Variants in LRRFIP1 observed in about 807,000 individuals in gnomAD.
LRRFIP1 encodes the protein LRR binding FLII interacting protein 1, also known as leucine-rich repeat flightless-interacting protein 1.
In LRRFIP1, 62 loss-of-function variants were observed where a neutral mutation model predicts 104.4. The observed-to-expected ratio is 0.59, with a 90% CI of 0.48 to 0.73. The LOEUF (loss-of-function observed/expected upper bound fraction) is 0.73, where lower values mean the gene tolerates loss of function less well. Among genes scored for constraint, LRRFIP1 ranks in the 30% least tolerant of loss-of-function variants. LRRFIP1 has a pLI of 0.00. For missense variants in LRRFIP1, 796 were observed against 824.5 expected, an observed-to-expected ratio of 0.97 and a Z score of 0.42; for synonymous variants, 300 against 299.0, an observed-to-expected ratio of 1.00 and a Z score of -0.03.
chr2:237,761,943 T>TC (rs2059918746), intron 19 of LRRFIP1, among the ~76,000 whole-genome samples: 1 of 152,224 alleles, frequency 6.6e-6, no homozygotes, highest in Non-Finnish European at 1.5e-5. Context: ...AACATTTGCC[T>TC]CCTGCTGGTC....
At chr2:237,658,585 T>G (rs1017769382) in intron 1 of LRRFIP1, among the ~76,000 whole-genome samples, 1 of 152,174 alleles carries the variant, frequency 6.6e-6, no homozygotes, top group Non-Finnish European at 1.5e-5. Context: ...TTTAATTGAC[T>G]CACAGTTCAG....
intron 1 of LRRFIP1, among the ~76,000 whole-genome samples, chr2:237,647,623 C>A (rs2085149612): frequency 6.6e-6 from 1 of 151,788 alleles, no homozygotes; most frequent in East Asian, 1.9e-4. Flanking sequence ...GGAGCAGAGT[C>A]CTGCCCTGTT....
intron 3 of LRRFIP1, among the ~76,000 whole-genome samples, chr2:237,715,882 T>C (rs968293695): frequency 1.4e-4 from 22 of 152,236 alleles, no homozygotes; most frequent in African/African-American, 5.1e-4. Context: ...TTGCACTTGC[T>C]GTTACTAGGG....
In LRRFIP1 at chr2:237,778,951, T is replaced by C. The variant is rs1427704738; in HGVS notation, c.1813-471T>C. ...AACAAACAAAAAAAGAGGCCGAGCG[T>C]GGTGGCTCATGCCTGTAATCCCAGC... On this transcript the variant is annotated intron_variant, in intron 23 of 23. Coordinates refer to ENST00000308482, the MANE Select transcript of LRRFIP1 (RefSeq NM_001137550.2). 5.0e-5 allele frequency among the ~76,000 whole-genome samples: 7 copies of C among 139,212 alleles called. No individual in the cohort carries two copies. In the East Asian group the frequency reaches 6.6e-4, roughly 13 times the overall value. The allele number at this position is 139,212 out of a possible 152,430, so 91.3% of individuals were successfully genotyped here.
At chr2:237,764,328 C>T in intron 19 of LRRFIP1, 2 of 1,497,330 alleles carry the variant, frequency 1.3e-6, no homozygotes, top group Non-Finnish European at 1.8e-6. Context: ...GAGGTTATCA[C>T]CCAGATTAGA....
intron 1 of LRRFIP1, chr2:237,692,194 G>A (rs1388794465): frequency 1.9e-6 from 2 of 1,051,492 alleles, no homozygotes; most frequent in Admixed American, 5.5e-5. Flanking sequence ...CCCGAGTCCC[G>A]CTTCCCCGGC....
chr2:237,778,225 A>G (rs2061254841), intron 23 of LRRFIP1, among the ~76,000 whole-genome samples: 1 of 152,214 alleles, frequency 6.6e-6, no homozygotes. Flanking sequence ...ACTTCCTGCA[A>G]AAAGGGCTTG....
intron 1 of LRRFIP1, among the ~76,000 whole-genome samples, chr2:237,688,385 C>T (rs1391317369): frequency 6.6e-6 from 1 of 151,480 alleles, no homozygotes; most frequent in Non-Finnish European, 1.5e-5. Context: ...TCACTGACCT[C>T]TCAGCTCTTT....
chr2:237,743,052 A>G (rs2057334751), intron 11 of LRRFIP1, among the ~76,000 whole-genome samples: 1 of 152,114 alleles, frequency 6.6e-6, no homozygotes, highest in Non-Finnish European at 1.5e-5. Context: ...ACATATGGTT[A>G]CTTTATTTCT....
At chr2:237,716,513 C>T (rs769840462) in intron 3 of LRRFIP1, among the ~76,000 whole-genome samples, 6 of 152,096 alleles carry the variant, frequency 3.9e-5, no homozygotes, top group Non-Finnish European at 4.4e-5. Context: ...GAGATAAGAC[C>T]GTCTGAAAAC....
At chr2:237,707,071 G>A (rs1014400401) in intron 1 of LRRFIP1, among the ~76,000 whole-genome samples, 1 of 152,140 alleles carries the variant, frequency 6.6e-6, no homozygotes, top group Non-Finnish European at 1.5e-5. Flanking sequence ...GGAGCCAAGC[G>A]AATAGAACAA....
chr2:237,753,478 A>G lies in LRRFIP1; in HGVS notation c.1037A>G (p.Lys346Arg). ...AGGCGGCAGTACGAAGAGAAAAACAAAGTAAGCATTAGTATGATACAGAAT... is the reference window on the plus strand; with the variant it reads ...AGGCGGCAGTACGAAGAGAAAAACAGAGTAAGCATTAGTATGATACAGAAT... ...ESRRQYEEKN[K>R]EFEREKHAHS... The change falls in exon 15 of 24, where the codon AAA becomes AGA. Residue 346 changes from lysine to arginine, a missense_variant and splice_region_variant. Lys to Arg is a conservative substitution (Grantham distance 26). Coordinates refer to ENST00000308482, the MANE Select transcript of LRRFIP1 (RefSeq NM_001137550.2). 1 of 1,585,910 alleles carries G rather than the reference A, an allele frequency of 6.3e-7. No homozygotes were observed. Among genetic ancestry groups the G allele is most frequent in the South Asian group, 1.2e-5 (1 of 85,756 alleles).
intron 1 of LRRFIP1, among the ~76,000 whole-genome samples, chr2:237,635,152 T>A (rs2082905142): frequency 6.6e-6 from 1 of 152,226 alleles, no homozygotes; most frequent in Admixed American, 6.5e-5. Flanking sequence ...GAATGCCTTT[T>A]CTAAGTATTC....
At chr2:237,644,872 C>A (rs1215326206) in intron 1 of LRRFIP1, among the ~76,000 whole-genome samples, 3 of 152,232 alleles carry the variant, frequency 2.0e-5, no homozygotes, top group Non-Finnish European at 4.4e-5. Context: ...AGACTGAAGT[C>A]TTGGATTTGG....
rs2095341395 is a variant in LRRFIP1, at chr2:237,739,216, G to C, written c.556-16G>C. On this transcript the variant is annotated splice_polypyrimidine_tract_variant and intron_variant, in intron 10 of 23. Transcript: ENST00000308482. ...TTGTTTCTGGCTGCGTGTCCTGGCG[G>C]TGGCTGTGTGGGCAGCCCTCGGAGT... is the stretch of plus-strand genomic sequence containing the variant. 8.4e-6 allele frequency: 13 copies of C among 1,553,518 alleles called. No homozygotes were observed. Among genetic ancestry groups the C allele is most frequent in the Non-Finnish European group, 1.1e-5 (13 of 1,148,666 alleles).
chr2:237,772,612 G>C, intron 21 of LRRFIP1: 1 of 546,306 alleles, frequency 1.8e-6, no homozygotes, highest in East Asian at 3.0e-5. Flanking sequence ...CCATCTCTTT[G>C]TCTTCTTCAC....
intron 1 of LRRFIP1, among the ~76,000 whole-genome samples, chr2:237,647,917 C>G (rs1439895265): frequency 2.0e-5 from 3 of 152,078 alleles, no homozygotes; most frequent in Non-Finnish European, 2.9e-5. Flanking sequence ...GCCAAGACAG[C>G]ATTTCAAACC....
intron 23 of LRRFIP1, chr2:237,779,196 T>A (rs1432521507): frequency 7.2e-6 from 2 of 277,872 alleles, no homozygotes; most frequent in East Asian, 1.8e-4. Context: ...CCTGGGCGAC[T>A]GAGCGAGATT....
At chr2:237,758,376 C>T (rs1304523737) in intron 17 of LRRFIP1, among the ~76,000 whole-genome samples, 2 of 152,202 alleles carry the variant, frequency 1.3e-5, no homozygotes, top group African/African-American at 4.8e-5. Context: ...CTTTTCTTTA[C>T]TGACCCCTCA....
Sources: gnomAD v4.1 joint callset for allele counts (sites outside exome capture counted in the v4.1 genomes callset) on GRCh38, gnomAD v4.1.1 for gene constraint, MANE v1.5 for transcripts, NCBI Gene and HGNC (gene_info 2026-07-23, HGNC 2026-07-21) for gene names.